ABHD12: variants seen among roughly 807,000 people sequenced by gnomAD.
The protein encoded by ABHD12 is lysophosphatidylserine lipase ABHD12.
In ABHD12, 43 loss-of-function variants were observed where a neutral mutation model predicts 58.3. The observed-to-expected ratio is 0.74, with a 90% CI of 0.58 to 0.95. The LOEUF is 0.95. Ranked by LOEUF, ABHD12 falls within the 40% of genes least tolerant of loss-of-function variation. The pLI, the probability that ABHD12 is intolerant of heterozygous loss-of-function variation, is 0.00. For missense variants in ABHD12, 539 were observed against 537.2 expected (o/e 1.00, Z -0.03); for synonymous variants, 219 against 211.2 (o/e 1.04, Z -0.32).
At chr20:25,302,594 T>C (rs566318257) in intron 11 of ABHD12, among the ~76,000 whole-genome samples, 6 of 152,228 alleles carry the variant, frequency 3.9e-5, no homozygotes, top group Non-Finnish European at 1.5e-5. Flanking sequence ...ACCCTTCCTC[T>C]GGGGAGTGGC....
At chr20:25,320,099 C>T in intron 4 of ABHD12, 100 bp downstream of exon 4, 2 of 1,553,606 alleles carry the variant, frequency 1.3e-6, no homozygotes, top group East Asian at 2.3e-5. Context: ...TGTGGGACCG[C>T]AGGTTGCTCC....
At chr20:25,337,966 G>A (rs2089400177) in intron 2 of ABHD12, among the ~76,000 whole-genome samples, 1 of 152,042 alleles carries the variant, frequency 6.6e-6, no homozygotes. Context: ...GTGTTTTACA[G>A]TTATTTTAAG....
chr20:25,314,990 C>A lies in ABHD12; in HGVS notation c.574-20G>T. ...CAGCACCTGTAAAGTGAAAAATAAA[C>A]ATCTTTGGCAACAAATCCAAGCATC... On this transcript the variant is annotated intron_variant, in intron 5 of 12. Coordinates refer to ENST00000339157, the MANE Select transcript of ABHD12 (RefSeq NM_001042472.3). 1 of 1,614,058 alleles carries A rather than the reference C, an allele frequency of 6.2e-7. No individual in the cohort carries two copies. Among genetic ancestry groups the A allele is most frequent in the South Asian group, 1.1e-5 (1 of 91,086 alleles).
At chr20:25,363,304 C>T (rs982131710) in intron 1 of ABHD12, among the ~76,000 whole-genome samples, 22 of 151,000 alleles carry the variant, frequency 1.5e-4, no homozygotes, top group African/African-American at 5.4e-4. Flanking sequence ...CCACAACCTC[C>T]GCCTCCCAGG....
intron 6 of ABHD12, among the ~76,000 whole-genome samples, chr20:25,313,022 C>T (rs1319327847): frequency 3.3e-5 from 5 of 150,114 alleles, no homozygotes; most frequent in African/African-American, 4.9e-5. Flanking sequence ...CGCCTCTGCC[C>T]GGCTGCCCCT....
chr20:25,330,009 C>T (rs150691036), intron 2 of ABHD12, among the ~76,000 whole-genome samples: 3 of 152,214 alleles, frequency 2.0e-5, no homozygotes, highest in African/African-American at 7.2e-5. Flanking sequence ...CCAGCGTGAG[C>T]GACACAGAAG....
At chr20:25,302,491 A>G (rs570352851) in intron 11 of ABHD12, 145 bp from the exon 12 acceptor site, 119 of 1,105,482 alleles carry the variant, frequency 1.1e-4, no homozygotes, top group Non-Finnish European at 1.5e-4. Flanking sequence ...GGTCACGACC[A>G]GGAGGCCCGG....
chr20:25,367,702 CATA>C (rs199919483), intron 1 of ABHD12, among the ~76,000 whole-genome samples: 1,903 of 152,314 alleles, frequency 0.012, 43 homozygotes, highest in African/African-American at 0.041. Context: ...CTTCATTTAG[CATA>C]ATGTCTTCAA....
At chr20:25,362,261 C>A (rs2089759755) in intron 1 of ABHD12, among the ~76,000 whole-genome samples, 1 of 151,976 alleles carries the variant, frequency 6.6e-6, no homozygotes, top group Non-Finnish European at 1.5e-5. Flanking sequence ...GCCTGGGCAA[C>A]AGAGCAAGAC....
intron 2 of ABHD12, among the ~76,000 whole-genome samples, chr20:25,336,532 G>T (rs961034094): frequency 6.6e-6 from 1 of 152,160 alleles, no homozygotes; most frequent in Non-Finnish European, 1.5e-5. Context: ...TTGAATGGAT[G>T]CCCAGGTCAG....
rs762187404 is a variant in ABHD12, at chr20:25,309,481, G to A, written c.714C>T (p.Asn238=). 6 of 1,614,192 alleles carry A rather than the reference G, an allele frequency of 3.7e-6. No individual in the cohort carries two copies. The highest frequency in any genetic ancestry group is 1.7e-5 in the Admixed American group (1 of 60,030). Residue 238 remains asparagine (N), a synonymous_variant, in exon 7 of 13, where the codon AAC becomes AAT. Transcript: ENST00000339157. Reference sequence around the variant, plus strand: ...GAGAGTGGCCCCAGATGTACACGGGGTTGTCACCACTTCTTGCTTTGATCC... The same window carrying A: ...GAGAGTGGCCCCAGATGTACACGGGATTGTCACCACTTCTTGCTTTGATCC... ...FDWIKARSGD[N]PVYIWGHSLG...
intron 6 of ABHD12, among the ~76,000 whole-genome samples, chr20:25,312,441 C>G (rs548620726): frequency 1.4e-5 from 2 of 147,490 alleles, no homozygotes; most frequent in African/African-American, 5.0e-5. Context: ...TCGGCCTCCA[C>G]AGGTGCCGGG....
intron 1 of ABHD12, among the ~76,000 whole-genome samples, chr20:25,372,402 G>GAA (rs2089910226): frequency 6.6e-6 from 1 of 151,874 alleles, no homozygotes; most frequent in Non-Finnish European, 1.5e-5. Flanking sequence ...AGCCAGTTTG[G>GAA]CTATGTTTCC....
In ABHD12 at chr20:25,388,787, CTTTTTTTT is replaced by C. The variant is rs780031801; in HGVS notation, c.191+1718_191+1725del. 4.1e-5 allele frequency among the ~76,000 whole-genome samples: 5 copies of C among 122,082 alleles called. No homozygotes were observed. In the South Asian group the frequency reaches 1.0e-3, roughly 25 times the overall value. The allele number at this position is 122,082 out of a possible 152,430, so 80.1% of individuals were successfully genotyped here. A position where few individuals can be genotyped will look rare whatever the true frequency, so the allele number is the denominator to read the frequency against. On this transcript the variant is annotated intron_variant, in intron 1 of 12. Transcript: ENST00000339157. ...GTTGTGTAAAACAATTTGATTTTTT[CTTTTTTTT>C]TTTTTTTTTTGAGACGGAGTTCCGT...
intron 1 of ABHD12, among the ~76,000 whole-genome samples, chr20:25,352,255 G>A (rs1002616968): frequency 2.0e-5 from 3 of 151,158 alleles, no homozygotes; most frequent in African/African-American, 7.3e-5. Context: ...GCCTCCCAAA[G>A]TGTTAGGATT....
intron 1 of ABHD12, among the ~76,000 whole-genome samples, chr20:25,380,413 C>T (rs934860374): frequency 1.1e-4 from 17 of 152,050 alleles, no homozygotes; most frequent in Non-Finnish European, 1.8e-4. Flanking sequence ...CATAGTGATG[C>T]TTTTATTATT....
chr20:25,368,300 G>T, intron 1 of ABHD12: 1 of 1,536,748 alleles, frequency 6.5e-7, no homozygotes, highest in South Asian at 1.1e-5. Flanking sequence ...GTCAGCAATG[G>T]TGATCTTCTT....
chr20:25,328,922 G>A (rs941334547), intron 2 of ABHD12, among the ~76,000 whole-genome samples: 1 of 152,208 alleles, frequency 6.6e-6, no homozygotes, highest in African/African-American at 2.4e-5. Flanking sequence ...CCAGAGCGGG[G>A]TGGCTGTAGG....
intron 1 of ABHD12, among the ~76,000 whole-genome samples, chr20:25,363,221 CTTT>C (rs541419840): frequency 0.01 from 1,381 of 133,464 alleles, 6 homozygotes; most frequent in Non-Finnish European, 0.017. Context: ...TGACATTTTA[CTTT>C]TTTTTTTTTT....
Sources: allele counts gnomAD v4.1 joint callset (sites outside exome capture counted in the v4.1 genomes callset), GRCh38; gene constraint gnomAD v4.1.1; transcripts MANE v1.5; gene names NCBI Gene and HGNC (gene_info 2026-07-23, HGNC 2026-07-21).